The following CNTNAP2 variants were observed in gnomAD, a reference collection of about 807,000 sequenced individuals.
The protein encoded by CNTNAP2 is contactin-associated protein-like 2.
Under a neutral mutation model 155.2 loss-of-function variants are expected in CNTNAP2, and 98 were observed. The ratio of observed to expected loss-of-function variants is 0.63; its 90% CI spans 0.54 to 0.75. CNTNAP2 has a LOEUF of 0.75. CNTNAP2 is among the 30% of genes least tolerant of loss of function. The pLI, the probability that CNTNAP2 is intolerant of heterozygous loss-of-function variation, is 0.00. For synonymous variants in CNTNAP2, 651 were observed against 631.2 expected (o/e 1.03, Z -0.47); for missense variants, 1,727 against 1,688.1 (o/e 1.02, Z -0.40).
chr7:146,484,853 A>C (rs977967515), intron 1 of CNTNAP2, among the ~76,000 whole-genome samples: 1 of 152,096 alleles, frequency 6.6e-6, no homozygotes, highest in Non-Finnish European at 1.5e-5. Flanking sequence ...CAACCCTTAC[A>C]TATTCTTATT....
At chr7:146,970,448 A>G (rs1049407387) in intron 3 of CNTNAP2, among the ~76,000 whole-genome samples, 52 of 152,342 alleles carry the variant, frequency 3.4e-4, no homozygotes, top group Non-Finnish European at 6.6e-4. Flanking sequence ...CAGCCAAAAA[A>G]TACATGAAAA....
In CNTNAP2 at chr7:148,416,789, G is replaced by T. The variant is rs1800003858; in HGVS notation, c.*1173G>T. On this transcript the variant is annotated 3_prime_UTR_variant, in exon 24 of 24. Coordinates refer to ENST00000361727, the MANE Select transcript of CNTNAP2 (RefSeq NM_014141.6). ...TCCAATCACACTGCTGTGATTCAGG[G>T]ATCTTTCTTCTAAGACGGACACATT... 2.0e-5 allele frequency: 3 copies of T among 146,694 alleles called. No homozygotes were observed. The South Asian group carries it at 6.3e-4, about 31-fold the overall frequency. 9.1% of individuals were successfully genotyped at this position (146,694 alleles called of 1,614,324 possible).
In CNTNAP2 at chr7:148,267,078, G is replaced by C; in HGVS notation, c.3427G>C (p.Asp1143His). The C allele has an allele frequency of 6.2e-7, 1 of 1,614,148 alleles. No individual in the cohort carries two copies. The highest frequency in any genetic ancestry group is 1.3e-5 in the African/African-American group (1 of 75,032). Residue 1143 changes from aspartate (D) to histidine (H), a missense_variant, in exon 21 of 24, where the codon GAC becomes CAC. Asp to His is a moderately conservative substitution (Grantham distance 81, BLOSUM62 -1). Coordinates refer to ENST00000361727, the MANE Select transcript of CNTNAP2 (RefSeq NM_014141.6). ...GAGTTACCATCTGCCAAGTTCATCC[G>C]ACACCCTCTTCAATTCTCCCAAGTC... ...SVSYHLPSSS[D>H]TLFNSPKSLF...
At chr7:147,568,246 G>T (rs1407199365) in intron 12 of CNTNAP2, among the ~76,000 whole-genome samples, 1 of 150,998 alleles carries the variant, frequency 6.6e-6, no homozygotes, top group African/African-American at 2.4e-5. Context: ...ATCACTGCTT[G>T]CAGTCAAATA....
At chr7:146,194,464 A>C (rs775788895) in intron 1 of CNTNAP2, among the ~76,000 whole-genome samples, 22 of 152,146 alleles carry the variant, frequency 1.4e-4, no homozygotes, top group Non-Finnish European at 2.9e-4. Context: ...AGACCTAGTC[A>C]CTATCATGAA....
intron 15 of CNTNAP2, among the ~76,000 whole-genome samples, chr7:148,035,424 C>G (rs144929467): frequency 2.4e-4 from 36 of 152,268 alleles, no homozygotes; most frequent in African/African-American, 8.7e-4. Flanking sequence ...GGCCTAGGGA[C>G]TCTACTCCCT....
At chr7:147,912,890 C>A (rs1800091859) in intron 14 of CNTNAP2, among the ~76,000 whole-genome samples, 1 of 152,204 alleles carries the variant, frequency 6.6e-6, no homozygotes, top group Non-Finnish European at 1.5e-5. Flanking sequence ...AGGTGTGCGT[C>A]AATCACCTGG....
At chr7:146,118,838 G>T (rs1427963025) in intron 1 of CNTNAP2, among the ~76,000 whole-genome samples, 1 of 152,066 alleles carries the variant, frequency 6.6e-6, no homozygotes, top group Non-Finnish European at 1.5e-5. Flanking sequence ...TATTAACTTG[G>T]CTTTCATTCT....
At chr7:148,286,735 C>T (rs1031441549) in intron 21 of CNTNAP2, among the ~76,000 whole-genome samples, 2 of 152,110 alleles carry the variant, frequency 1.3e-5, no homozygotes, top group Admixed American at 6.6e-5. Context: ...AAAACACTAT[C>T]GTGTGGATTA....
intron 13 of CNTNAP2, among the ~76,000 whole-genome samples, chr7:147,807,949 G>C (rs949281030): frequency 2.0e-5 from 3 of 151,802 alleles, no homozygotes; most frequent in Admixed American, 1.3e-4. Context: ...AAAAATGTTT[G>C]AGATTCATTC....
intron 11 of CNTNAP2, among the ~76,000 whole-genome samples, chr7:147,488,960 T>C (rs1357582430): frequency 1.3e-5 from 2 of 152,238 alleles, no homozygotes; most frequent in Non-Finnish European, 2.9e-5. Context: ...CAATAAATTT[T>C]TGTCATTTCA....
At chr7:147,008,631 G>A (rs1409995832) in intron 3 of CNTNAP2, among the ~76,000 whole-genome samples, 2 of 152,018 alleles carry the variant, frequency 1.3e-5, no homozygotes, top group African/African-American at 4.8e-5. Flanking sequence ...TAACTCAAAG[G>A]ATTGGTTACA....
intron 13 of CNTNAP2, among the ~76,000 whole-genome samples, chr7:147,718,115 C>T (rs1796509193): frequency 1.3e-5 from 2 of 152,022 alleles, no homozygotes; most frequent in African/African-American, 4.8e-5. Context: ...TTAACGTCAG[C>T]ATGATTAATT....
At chr7:146,907,189 A>G (rs1299098146) in intron 3 of CNTNAP2, among the ~76,000 whole-genome samples, 11 of 152,240 alleles carry the variant, frequency 7.2e-5, no homozygotes, top group East Asian at 1.9e-4. Flanking sequence ...GTACCTGAAA[A>G]TGATGTGGAG....
At chr7:148,264,407 T>A (rs1796630404) in intron 20 of CNTNAP2, among the ~76,000 whole-genome samples, 1 of 152,302 alleles carries the variant, frequency 6.6e-6, no homozygotes, top group African/African-American at 2.4e-5. Context: ...ATATTACTTG[T>A]ATCCATTTTT....
At chr7:147,856,897 C>T (rs1328234982) in intron 13 of CNTNAP2, among the ~76,000 whole-genome samples, 1 of 152,120 alleles carries the variant, frequency 6.6e-6, no homozygotes, top group East Asian at 1.9e-4. Flanking sequence ...GTGTACCCCT[C>T]ACCCAAGGAA....
At chr7:147,119,684 G>A (rs1315721304) in intron 5 of CNTNAP2, among the ~76,000 whole-genome samples, 1 of 151,842 alleles carries the variant, frequency 6.6e-6, no homozygotes, top group Non-Finnish European at 1.5e-5. Context: ...AAAATGTAAG[G>A]TATGGGGGCA....
chr7:148,147,061 G>A (rs1805197307), intron 16 of CNTNAP2, among the ~76,000 whole-genome samples: 1 of 152,124 alleles, frequency 6.6e-6, no homozygotes, highest in Admixed American at 6.5e-5. Context: ...TTCCCAAGGA[G>A]CTACTTACTG....
intron 15 of CNTNAP2, among the ~76,000 whole-genome samples, chr7:147,983,903 A>G (rs1801574826): frequency 6.6e-6 from 1 of 152,084 alleles, no homozygotes; most frequent in Non-Finnish European, 1.5e-5. Context: ...CTCTCAGTAA[A>G]TTTCTTCTGG....
Sources: allele counts gnomAD v4.1 joint callset (sites outside exome capture counted in the v4.1 genomes callset), GRCh38; gene constraint gnomAD v4.1.1; transcripts MANE v1.5; gene names NCBI Gene and HGNC (gene_info 2026-07-23, HGNC 2026-07-21).